UCK2: variants seen among roughly 807,000 people sequenced by gnomAD.
The protein encoded by UCK2 is uridine-cytidine kinase 2, also known as cytidine monophosphokinase 2.
In UCK2, 6 loss-of-function variants were observed where a neutral mutation model predicts 30.8. The observed-to-expected ratio is 0.19, with a 90% CI of 0.11 to 0.38. The LOEUF (loss-of-function observed/expected upper bound fraction) is 0.38. Among genes scored for constraint, UCK2 ranks in the 10% least tolerant of loss-of-function variants. The pLI, the probability that UCK2 is intolerant of heterozygous loss-of-function variation, is 1.00. For missense variants in UCK2, 210 were observed against 339.8 expected (o/e 0.62, Z 3.00); for synonymous variants, 125 against 133.6 (o/e 0.94, Z 0.45).
chr1:165,881,353 G>T (rs1655496842), intron 1 of UCK2, among the ~76,000 whole-genome samples: 1 of 151,450 alleles, frequency 6.6e-6, no homozygotes, highest in African/African-American at 2.4e-5. Flanking sequence ...CTTACTCAGG[G>T]TTTTTTTTTG....
intron 1 of UCK2, among the ~76,000 whole-genome samples, chr1:165,835,714 GTTTA>G (rs1215117211): frequency 6.6e-6 from 1 of 152,020 alleles, no homozygotes; most frequent in Non-Finnish European, 1.5e-5. Context: ...AGTCAGAAAT[GTTTA>G]TTTTTCTTTT....
intron 3 of UCK2, chr1:165,891,560 C>T (rs1221115765): frequency 4.3e-6 from 2 of 460,286 alleles, no homozygotes; most frequent in Non-Finnish European, 7.8e-6. Context: ...GATTCCTTAA[C>T]TCTGAAGGAT....
chr1:165,861,423 T>A (rs1452629399), intron 1 of UCK2, among the ~76,000 whole-genome samples: 2 of 151,480 alleles, frequency 1.3e-5, no homozygotes, highest in Non-Finnish European at 1.5e-5. Context: ...GGTCCGGACA[T>A]CGAGACCATC....
intron 3 of UCK2, chr1:165,892,144 C>T (rs1173937871): frequency 1.2e-5 from 1 of 80,790 alleles, no homozygotes; most frequent in East Asian, 5.9e-4. Flanking sequence ...TCACCAGAAT[C>T]TTCTGAAACA....
chr1:165,909,893 T>G lies in UCK2; in HGVS notation c.*2070T>G, dbSNP rs2101891910. The G allele has an allele frequency of 6.6e-6, 1 of 152,400 alleles. No individual in the cohort carries two copies. Among genetic ancestry groups the G allele is most frequent in the Non-Finnish European group, 1.5e-5 (1 of 68,066 alleles). 9.4% of individuals were successfully genotyped at this position (152,400 alleles called of 1,614,324 possible). ...TTTCAGTGGGCAGCATGCTCAACTT[T>G]ACTTGAAGCTCCCAGGTGCCAAACC... is the stretch of plus-strand genomic sequence containing the variant. On this transcript the variant is annotated 3_prime_UTR_variant, in exon 7 of 7. Coordinates refer to ENST00000367879, the MANE Select transcript of UCK2 (RefSeq NM_012474.5).
chr1:165,885,299 A>T, intron 1 of UCK2: 1 of 398,342 alleles, frequency 2.5e-6, no homozygotes. Context: ...TCTAAGCTCC[A>T]GTTTCCTCAT....
intron 1 of UCK2, among the ~76,000 whole-genome samples, chr1:165,869,091 A>G (rs571853547): frequency 6.6e-6 from 1 of 152,336 alleles, no homozygotes; most frequent in East Asian, 1.9e-4. Context: ...TCAGTGGAAC[A>G]GTCAGAACAT....
At chr1:165,837,067 A>G (rs1453353633) in intron 1 of UCK2, among the ~76,000 whole-genome samples, 1 of 152,200 alleles carries the variant, frequency 6.6e-6, no homozygotes, top group East Asian at 1.9e-4. Flanking sequence ...TGCTCCCACG[A>G]TAATGGCATT....
intron 1 of UCK2, among the ~76,000 whole-genome samples, chr1:165,847,091 C>T (rs4657479): frequency 0.98 from 148,655 of 152,104 alleles, 72,722 homozygotes; most frequent in East Asian, 1. Context: ...TTGTTAAAAA[C>T]TTAACATATA....
At chr1:165,838,465 C>G (rs1472183838) in intron 1 of UCK2, among the ~76,000 whole-genome samples, 1 of 152,184 alleles carries the variant, frequency 6.6e-6, no homozygotes, top group Non-Finnish European at 1.5e-5. Context: ...GTGTTGCTCA[C>G]GTGTCTCCTT....
intron 1 of UCK2, among the ~76,000 whole-genome samples, chr1:165,870,704 AAGG>A (rs1655174644): frequency 6.6e-6 from 1 of 152,240 alleles, no homozygotes; most frequent in South Asian, 2.1e-4. Context: ...AGTGACGTGG[AAGG>A]AGGTTATCAA....
chr1:165,850,940 T>A (rs988679318), intron 1 of UCK2, among the ~76,000 whole-genome samples: 8 of 110,348 alleles, frequency 7.2e-5, no homozygotes, highest in African/African-American at 2.8e-4. Context: ...TTTTTTTTTT[T>A]TTTTTTTTTT....
At chr1:165,905,239 T>C (rs945796898) in intron 5 of UCK2, among the ~76,000 whole-genome samples, 5 of 152,214 alleles carry the variant, frequency 3.3e-5, no homozygotes, top group Non-Finnish European at 5.9e-5. Context: ...TCCTGGGACT[T>C]TGGGAGGCCC....
chr1:165,843,045 C>T (rs1443445719), intron 1 of UCK2, among the ~76,000 whole-genome samples: 3 of 152,146 alleles, frequency 2.0e-5, no homozygotes, highest in Admixed American at 6.6e-5. Flanking sequence ...AGGAAGTGTT[C>T]TGTCAGTTGA....
At chr1:165,886,756 T>G (rs138198036) in intron 1 of UCK2, among the ~76,000 whole-genome samples, 2 of 152,028 alleles carry the variant, frequency 1.3e-5, no homozygotes, top group African/African-American at 4.8e-5. Context: ...CAGAGTAGAG[T>G]CTCTTTGTGG....
intron 6 of UCK2, among the ~76,000 whole-genome samples, chr1:165,907,311 C>T (rs1267314590): frequency 1.3e-5 from 2 of 152,134 alleles, no homozygotes; most frequent in Non-Finnish European, 1.5e-5. Context: ...CTGGAAGGTT[C>T]CCTGGTGGAA....
intron 1 of UCK2, among the ~76,000 whole-genome samples, chr1:165,883,585 T>G (rs1304802180): frequency 6.6e-6 from 1 of 152,136 alleles, no homozygotes; most frequent in Admixed American, 6.5e-5. Context: ...AAGAACCTTA[T>G]TAGTAATTTA....
At chr1:165,856,661 GATTAT>G (rs1198539786) in intron 1 of UCK2, among the ~76,000 whole-genome samples, 1 of 152,124 alleles carries the variant, frequency 6.6e-6, no homozygotes, top group Non-Finnish European at 1.5e-5. Context: ...TGTGATACAC[GATTAT>G]ATTAAATTGC....
intron 6 of UCK2, 115 bp from the exon 7 acceptor site, chr1:165,907,569 T>TC: frequency 7.0e-7 from 1 of 1,432,150 alleles, no homozygotes; most frequent in Non-Finnish European, 9.4e-7. Flanking sequence ...CAGAGCCACT[T>TC]CCCTGGAAGT....
Sources: allele counts gnomAD v4.1 joint callset (sites outside exome capture counted in the v4.1 genomes callset), GRCh38; gene constraint gnomAD v4.1.1; transcripts MANE v1.5; gene names NCBI Gene and HGNC (gene_info 2026-07-23, HGNC 2026-07-21).